PDZD2: variants seen among roughly 807,000 people sequenced by gnomAD.
The protein encoded by PDZD2 is PDZ domain containing 2.
A neutral mutation model predicts 220.7 loss-of-function variants in PDZD2; 90 were observed. The ratio of observed to expected loss-of-function variants is 0.41; its 90% CI spans 0.34 to 0.49. The LOEUF (loss-of-function observed/expected upper bound fraction) is 0.49, where lower values mean the gene tolerates loss of function less well. PDZD2 is among the 20% of genes least tolerant of loss of function. PDZD2 has a pLI of 0.28. For synonymous variants in PDZD2, 1,375 were observed against 1,450.5 expected, an observed-to-expected ratio of 0.95 and a Z score of 1.18; for missense variants, 3,174 against 3,608.5, an observed-to-expected ratio of 0.88 and a Z score of 3.08.
intron 12 of PDZD2, 33 bp from the exon 13 acceptor site, chr5:32,059,206 G>C: frequency 8.3e-7 from 1 of 1,204,060 alleles, no homozygotes; most frequent in Non-Finnish European, 1.2e-6. Flanking sequence ...TGTAATTTTT[G>C]TTTTTATTTT....
At chr5:31,870,654 G>A (rs566280544) in intron 2 of PDZD2, among the ~76,000 whole-genome samples, 3 of 152,196 alleles carry the variant, frequency 2.0e-5, no homozygotes, top group Non-Finnish European at 4.4e-5. Context: ...TTGGGAGGGC[G>A]AGGTGGGTGG....
chr5:32,108,083 T>C lies in PDZD2; in HGVS notation c.8468T>C (p.Val2823Ala). Residue 2823 changes from valine to alanine, a missense_variant, in exon 25 of 25, where the codon GTC becomes GCC. Transcript: ENST00000438447. ...GATGCCTGGAATATTATGAAGTCTG[T>C]CCCAGAAGGACCTGTGCAGTTATTA... is the stretch of plus-strand genomic sequence containing the variant. ...HFDAWNIMKSVPEGPVQLLIR... is the reference protein window; with the variant it reads ...HFDAWNIMKSAPEGPVQLLIR... The C allele has an allele frequency of 1.2e-6, 2 of 1,611,834 alleles. No homozygotes were observed. Among genetic ancestry groups the C allele is most frequent in the Non-Finnish European group, 1.7e-6 (2 of 1,177,950 alleles).
chr5:31,897,584 T>C (rs1359459399), intron 2 of PDZD2, among the ~76,000 whole-genome samples: 1 of 152,310 alleles, frequency 6.6e-6, no homozygotes, highest in East Asian at 1.9e-4. Flanking sequence ...TTCCTATTGA[T>C]GTGAAAATAT....
chr5:31,767,642 A>C (rs1246035786), intron 1 of PDZD2, among the ~76,000 whole-genome samples: 1 of 152,244 alleles, frequency 6.6e-6, no homozygotes, highest in Admixed American at 6.5e-5. Context: ...ATAAAAGATC[A>C]GTCCGTCAAC....
At chr5:31,654,835 T>C (rs975940559) in intron 1 of PDZD2, among the ~76,000 whole-genome samples, 6 of 152,134 alleles carry the variant, frequency 3.9e-5, no homozygotes, top group Admixed American at 2.0e-4. Context: ...TCATATCCTG[T>C]CAGTTCTCTG....
chr5:31,918,624 T>C (rs968981974), intron 2 of PDZD2, among the ~76,000 whole-genome samples: 2 of 152,188 alleles, frequency 1.3e-5, no homozygotes, highest in Admixed American at 6.5e-5. Context: ...AGGGTAGCCT[T>C]AATCATTACA....
Position 32,090,272 on chromosome 5 carries a change from A to C in PDZD2, c.6824A>C (p.Gln2275Pro), listed in dbSNP as rs150841463. 1.9e-6 allele frequency: 3 copies of C among 1,614,216 alleles called. No individual in the cohort carries two copies. The highest frequency in any genetic ancestry group is 1.6e-4 in the Middle Eastern group (1 of 6,062). ...RGGLPSLANGQGIYSVKPLLD... is the reference protein window; with the variant it reads ...RGGLPSLANGPGIYSVKPLLD... The stretch of plus-strand genomic sequence containing the variant: ...GGTCTTCCCAGCCTGGCTAATGGAC[A>C]GGGCATATATAGTGTAAAGCCGCTG... Residue 2275 changes from glutamine (Q) to proline (P), a missense_variant, in exon 20 of 25, where the codon CAG becomes CCG. Transcript: ENST00000438447. This position sits in a 1 kb window ranked among gnomAD's most constrained non-coding sequence, Gnocchi z 4.3.
chr5:31,972,209 G>A (rs150666363), intron 2 of PDZD2, among the ~76,000 whole-genome samples: 1 of 152,236 alleles, frequency 6.6e-6, no homozygotes, highest in Admixed American at 6.5e-5. Context: ...TGCCTCCCAG[G>A]ATCAAGCGAT....
Position 32,090,601 on chromosome 5 carries a change from C to T in PDZD2, c.7153C>T (p.Pro2385Ser), listed in dbSNP as rs1743024422. 6.2e-7 allele frequency: 1 copy of T among 1,613,992 alleles called. No individual in the cohort carries two copies. The highest frequency in any genetic ancestry group is 8.5e-7 in the Non-Finnish European group (1 of 1,179,994). ...CATTGTTTCCGGGAGCCTGGGCCAC[C>T]CAGGTGACGCAGCAGCAAGGTTGTT... is the stretch of plus-strand genomic sequence containing the variant. ...GSIVSGSLGH[P>S]GDAAARLLRR... Residue 2385 changes from proline (P) to serine (S), a missense_variant, in exon 20 of 25, where the codon CCA becomes TCA. Coordinates refer to ENST00000438447, the MANE Select transcript of PDZD2 (RefSeq NM_178140.4). The surrounding 1 kb of genome is among the most constrained non-coding windows in gnomAD (Gnocchi z 4.3).
intron 2 of PDZD2, 53 bp downstream of exon 2, chr5:31,799,777 G>T (rs1382712441): frequency 1.6e-6 from 2 of 1,212,886 alleles, no homozygotes; most frequent in East Asian, 2.3e-5. Flanking sequence ...GAACCTGGTG[G>T]TTCCCAGATC....
chr5:32,056,846 T>G (rs1018585516), intron 10 of PDZD2, among the ~76,000 whole-genome samples: 6 of 152,122 alleles, frequency 3.9e-5, no homozygotes, highest in Non-Finnish European at 8.8e-5. Context: ...TCCCCGCACT[T>G]TGGGAAGCCG....
chr5:31,646,052 GC>G lies in PDZD2; in HGVS notation c.-361+6617del, dbSNP rs762675866. On this transcript the variant is annotated intron_variant, in intron 1 of 24. Coordinates refer to ENST00000438447, the MANE Select transcript of PDZD2 (RefSeq NM_178140.4). The surrounding 1 kb of genome is among the most constrained non-coding windows in gnomAD (Gnocchi z 4.7). ...TCAGGGAGCTTTGCACTGCGGGGGG[GC>G]CTTCTCACTACTGTCACTCCTAGGG... Among the ~76,000 whole-genome samples, 1 of 149,356 alleles carries G rather than the reference GC, an allele frequency of 6.7e-6. No homozygotes were observed. Among genetic ancestry groups the G allele is most frequent in the Admixed American group, 6.7e-5 (1 of 14,894 alleles).
At chr5:31,962,934 G>C (rs531042918) in intron 2 of PDZD2, among the ~76,000 whole-genome samples, 1 of 152,222 alleles carries the variant, frequency 6.6e-6, no homozygotes, top group South Asian at 2.1e-4. Context: ...TTCCATGCAG[G>C]CCCTGGCTTT....
chr5:32,065,985 T>C (rs1034252004), intron 14 of PDZD2, among the ~76,000 whole-genome samples: 2 of 149,244 alleles, frequency 1.3e-5, no homozygotes, highest in Admixed American at 1.3e-4. Flanking sequence ...GATCGCACCA[T>C]CACACTCCAG....
intron 7 of PDZD2, among the ~76,000 whole-genome samples, chr5:32,041,847 AAAC>A (rs138602842): frequency 0.022 from 3,088 of 137,792 alleles, 81 homozygotes; most frequent in African/African-American, 0.054. Context: ...ATAAATACTA[AAAC>A]AACAACAACA....
At position 31,887,896 on chromosome 5, in the gene PDZD2, C is replaced by T. The variant is rs577948829; in HGVS notation, c.476+88172C>T. ...TCTGTGGGGGGACAGTTACACATAG[C>T]TTTGAAAGGCTGCTTAGCCGAAGAG... On this transcript the variant is annotated intron_variant, in intron 2 of 24. Transcript: ENST00000438447. 1.7e-3 allele frequency among the ~76,000 whole-genome samples: 254 copies of T among 152,194 alleles called. 1 individual carries two copies. The highest frequency in any genetic ancestry group is 5.9e-3 in the African/African-American group (245 of 41,530).
At chr5:31,780,311 C>T (rs1752989370) in intron 1 of PDZD2, among the ~76,000 whole-genome samples, 1 of 151,514 alleles carries the variant, frequency 6.6e-6, no homozygotes, top group Non-Finnish European at 1.5e-5. Flanking sequence ...TTAAGGATGC[C>T]GGGGGGGCTT....
chr5:32,070,457 C>T (rs1740633869), intron 15 of PDZD2, among the ~76,000 whole-genome samples: 1 of 152,210 alleles, frequency 6.6e-6, no homozygotes, highest in African/African-American at 2.4e-5. Flanking sequence ...ATAATCCCAG[C>T]ATTTCCACTT....
chr5:31,690,700 G>A (rs939809592), intron 1 of PDZD2, among the ~76,000 whole-genome samples: 5 of 152,176 alleles, frequency 3.3e-5, no homozygotes, highest in East Asian at 3.9e-4. Context: ...CTAAGAATCC[G>A]TGTCATTCAT....
Sources: allele counts gnomAD v4.1 joint callset (sites outside exome capture counted in the v4.1 genomes callset), GRCh38; gene constraint gnomAD v4.1.1; non-coding constraint Gnocchi (gnomAD v3.1); transcripts MANE v1.5; gene names NCBI Gene and HGNC (gene_info 2026-07-23, HGNC 2026-07-21).